GNAO1: variants seen among roughly 807,000 people sequenced by gnomAD.
The protein encoded by GNAO1 is G protein subunit alpha o1.
For missense variants in GNAO1, 166 were observed against 478.7 expected (o/e 0.35, Z 6.10); for synonymous variants, 164 against 180.7 (o/e 0.91, Z 0.74).
At chr16:56,230,206 A>C (rs1296300442) in intron 2 of GNAO1, among the ~76,000 whole-genome samples, 1 of 151,986 alleles carries the variant, frequency 6.6e-6, no homozygotes, top group African/African-American at 2.4e-5. Context: ...CTGTGCACCT[A>C]CGAGCTGCCC....
intron 2 of GNAO1, among the ~76,000 whole-genome samples, chr16:56,238,279 T>G (rs543518197): frequency 1.3e-5 from 2 of 152,320 alleles, no homozygotes; most frequent in South Asian, 4.2e-4. Flanking sequence ...GGAGCAAGGT[T>G]GGCTACTCCT....
At chr16:56,309,855 G>A (rs535430993) in intron 3 of GNAO1, among the ~76,000 whole-genome samples, 30 of 152,310 alleles carry the variant, frequency 2.0e-4, no homozygotes, top group Middle Eastern at 3.4e-3. Flanking sequence ...GTTTTAGCTG[G>A]CATGATGGAT....
chr16:56,244,779 C>T (rs1444527222), intron 2 of GNAO1, among the ~76,000 whole-genome samples: 1 of 152,150 alleles, frequency 6.6e-6, no homozygotes, highest in Non-Finnish European at 1.5e-5. Context: ...TATAGCCAAG[C>T]TGGGCAAATG....
chr16:56,269,576 C>T (rs1197386624), intron 2 of GNAO1, among the ~76,000 whole-genome samples: 2 of 152,208 alleles, frequency 1.3e-5, no homozygotes, highest in African/African-American at 4.8e-5. Context: ...GATGCGGAAA[C>T]AAGCACCCGG....
rs544530911 is a variant in GNAO1, at chr16:56,222,291, G to A, written c.161+29675G>A. 3.9e-5 allele frequency among the ~76,000 whole-genome samples: 6 copies of A among 152,270 alleles called. No homozygotes were observed. The South Asian group carries it at 1.2e-3, about 32-fold the overall frequency. On this transcript the variant is annotated intron_variant, in intron 2 of 8. Transcript: ENST00000262493. ...GGAGGGCAAGTGAGGCAGCCTCCTT[G>A]ATTTGCAAAGTGCTTTGCAGTCCTT...
In GNAO1 at chr16:56,192,162, G is replaced by C; in HGVS notation, c.-74G>C. On this transcript the variant is annotated 5_prime_UTR_variant, in exon 1 of 9. Transcript: ENST00000262493. ...CTTGAGCCCAGGCTCTGCTCTCTGG[G>C]GGGGTGGGGGGCGCTCCAAGCCGGG... 1 of 819,772 alleles carries C rather than the reference G, an allele frequency of 1.2e-6. No homozygotes were observed. Among genetic ancestry groups the C allele is most frequent in the Admixed American group, 2.0e-5 (1 of 48,972 alleles). The allele number at this position is 819,772 out of a possible 1,614,324, so 50.8% of individuals were successfully genotyped here.
At chr16:56,254,107 T>C (rs2036825123) in intron 2 of GNAO1, among the ~76,000 whole-genome samples, 1 of 152,150 alleles carries the variant, frequency 6.6e-6, no homozygotes, top group African/African-American at 2.4e-5. Flanking sequence ...CTTGTGAAAT[T>C]TATTAAGTTT....
intron 2 of GNAO1, among the ~76,000 whole-genome samples, chr16:56,244,828 C>G (rs1203511052): frequency 6.6e-6 from 1 of 152,138 alleles, no homozygotes; most frequent in Admixed American, 6.5e-5. Flanking sequence ...TCCCGGTGCT[C>G]AGAGTCCACC....
In GNAO1 at chr16:56,192,235, C is replaced by G. The variant is rs369237309; in HGVS notation, c.-1C>G. ...CGGGCTGTGGCAGGGAAGGGGCCAC[C>G]ATGGGATGTACTCTGAGCGCAGAGG... On this transcript the variant is annotated 5_prime_UTR_variant, in exon 1 of 9. Coordinates refer to ENST00000262493, the MANE Select transcript of GNAO1 (RefSeq NM_020988.3). The G allele has an allele frequency of 6.4e-7, 1 of 1,555,962 alleles. No homozygotes were observed. Among genetic ancestry groups the G allele is most frequent in the African/African-American group, 1.4e-5 (1 of 73,784 alleles).
At chr16:56,300,047 G>GCGCT (rs1438986817) in intron 3 of GNAO1, among the ~76,000 whole-genome samples, 43 of 91,946 alleles carry the variant, frequency 4.7e-4, no homozygotes, top group African/African-American at 1.8e-3. Context: ...GCGCGCGCGC[G>GCGCT]CGCGCACGCA....
At chr16:56,349,353 G>A (rs1345363190) in intron 6 of GNAO1, among the ~76,000 whole-genome samples, 2 of 152,188 alleles carry the variant, frequency 1.3e-5, no homozygotes, top group African/African-American at 2.4e-5. Flanking sequence ...TGTGGAGTGG[G>A]GAGCATGTTC....
intron 3 of GNAO1, among the ~76,000 whole-genome samples, chr16:56,285,717 A>C (rs1456350447): frequency 3.9e-5 from 6 of 152,242 alleles, no homozygotes; most frequent in African/African-American, 1.4e-4. Context: ...AATGCAATGG[A>C]ATATAATTGT....
intron 2 of GNAO1, among the ~76,000 whole-genome samples, chr16:56,274,278 G>A (rs1329980546): frequency 1.3e-5 from 2 of 152,160 alleles, no homozygotes. Context: ...TATTTTGTCT[G>A]GTTTTCTAGT....
chr16:56,344,203 C>T, intron 6 of GNAO1: 5 of 1,405,642 alleles, frequency 3.6e-6, no homozygotes, highest in Non-Finnish European at 4.6e-6. Context: ...GCCTCTGTGT[C>T]ATCTCTGAGT....
chr16:56,336,860 G>A lies in GNAO1; in HGVS notation c.723G>A (p.Thr241=), dbSNP rs763053362. The part of the protein sequence containing the change: ...YDQVLHEDET[T]NRMHESLMLF... ...AGGTGCTCCACGAAGACGAAACCAC[G>A]GTGAGTGGCCTGGGCCCCCCGGGCA... Residue 241 remains threonine (T), a splice_region_variant and synonymous_variant, in exon 6 of 9, where the codon ACG becomes ACA. Transcript: ENST00000262493. The A allele has an allele frequency of 3.5e-5, 57 of 1,609,392 alleles. No individual in the cohort carries two copies. The highest frequency in any genetic ancestry group is 4.3e-5 in the Non-Finnish European group (51 of 1,179,034).
At position 56,326,129 on chromosome 16, in the gene GNAO1, G is replaced by C. The variant is rs1339744662; in HGVS notation, c.304-2502G>C. ...TCCAGCACACTCCTGTCCTGGCCCT[G>C]TGTTCCCAGCCATGCCTCTTCCTGT... On this transcript the variant is annotated intron_variant, in intron 3 of 8. Coordinates refer to ENST00000262493, the MANE Select transcript of GNAO1 (RefSeq NM_020988.3). This position sits in a 1 kb window ranked among gnomAD's most constrained non-coding sequence, Gnocchi z 4.8. Among the ~76,000 whole-genome samples the C allele has an allele frequency of 6.6e-6, 1 of 152,196 alleles. No individual in the cohort carries two copies. The highest frequency in any genetic ancestry group is 1.5e-5 in the Non-Finnish European group (1 of 68,044).
intron 2 of GNAO1, among the ~76,000 whole-genome samples, chr16:56,242,818 T>G (rs953865159): frequency 2.6e-5 from 4 of 152,154 alleles, no homozygotes; most frequent in Admixed American, 2.0e-4. Flanking sequence ...ATTTAAAAAT[T>G]GTATGCTTTA....
At chr16:56,273,743 A>G (rs1220495832) in intron 2 of GNAO1, among the ~76,000 whole-genome samples, 8 of 151,970 alleles carry the variant, frequency 5.3e-5, no homozygotes, top group Admixed American at 5.2e-4. Flanking sequence ...AGCAGCCTTT[A>G]CTCTGGAGCT....
At chr16:56,317,762 G>T (rs1369944673) in intron 3 of GNAO1, among the ~76,000 whole-genome samples, 1 of 152,130 alleles carries the variant, frequency 6.6e-6, no homozygotes, top group African/African-American at 2.4e-5. Flanking sequence ...AAGAGAGTGG[G>T]AGGATCATCA....
Sources: gnomAD v4.1 joint callset for allele counts (sites outside exome capture counted in the v4.1 genomes callset) on GRCh38, gnomAD v4.1.1 for gene constraint, Gnocchi (gnomAD v3.1) non-coding constraint, MANE v1.5 for transcripts, NCBI Gene and HGNC (gene_info 2026-07-23, HGNC 2026-07-21) for gene names.